PTX3: variants seen among roughly 807,000 people sequenced by gnomAD.
PTX3 encodes pentraxin-related protein PTX3.
In PTX3, 24 loss-of-function variants were observed where a neutral mutation model predicts 23.5. The observed-to-expected ratio is 1.02, with a 90% confidence interval of 0.74 to 1.43. The LOEUF (loss-of-function observed/expected upper bound fraction) is 1.43, where lower values mean the gene tolerates loss of function less well. Among genes scored for constraint, PTX3 ranks in the 40% most tolerant of loss-of-function variants. PTX3 has a pLI of 0.00. For synonymous variants in PTX3, 218 were observed against 205.4 expected, an observed-to-expected ratio of 1.06 and a Z score of -0.53; for missense variants, 510 against 497.5, an observed-to-expected ratio of 1.02 and a Z score of -0.24.
At chr3:157,439,592 T>C (rs796406516) in intron 2 of PTX3, among the ~76,000 whole-genome samples, 48 of 152,252 alleles carry the variant, frequency 3.2e-4, no homozygotes, top group African/African-American at 1.2e-3. Flanking sequence ...CAACATGCGG[T>C]TCCAGTCCAT....
intron 2 of PTX3, among the ~76,000 whole-genome samples, chr3:157,441,725 G>T: frequency 6.6e-6 from 1 of 151,686 alleles, no homozygotes; most frequent in East Asian, 1.9e-4. Context: ...CAGGAGAATC[G>T]CTTGAACCTG....
chr3:157,441,918 C>T (rs1325383034), intron 2 of PTX3, among the ~76,000 whole-genome samples: 7 of 151,926 alleles, frequency 4.6e-5, no homozygotes, highest in Non-Finnish European at 8.8e-5. Context: ...CTGAATTTCA[C>T]AGGTTTATTA....
rs1387434427 is a variant in PTX3 at position 157,442,422 on chromosome 3, C to T, written c.589C>T (p.His197Tyr). The T allele has an allele frequency of 6.2e-7, 1 of 1,614,070 alleles. No individual in the cohort carries two copies. Among genetic ancestry groups the T allele is most frequent in the South Asian group, 1.1e-5 (1 of 91,082 alleles). The change falls in exon 3 of 3, where the codon CAT (histidine) becomes TAT (tyrosine). Residue 197 changes from histidine to tyrosine, a missense_variant. Coordinates refer to ENST00000295927, the MANE Select transcript of PTX3 (RefSeq NM_002852.4). ...TTCCAAGAAGATTTTTGGAAGCGTG[C>T]ATCCAGTGAGACCAATGAGGCTTGA... ...MRSKKIFGSV[H>Y]PVRPMRLESF... is the part of the protein sequence containing the mutation.
intron 2 of PTX3, among the ~76,000 whole-genome samples, chr3:157,439,603 G>C (rs1733954033): frequency 6.6e-6 from 1 of 152,156 alleles, no homozygotes. Flanking sequence ...TCCAGTCCAT[G>C]AACTTATATA....
At chr3:157,441,896 G>A (rs1393530345) in intron 2 of PTX3, among the ~76,000 whole-genome samples, 1 of 152,070 alleles carries the variant, frequency 6.6e-6, no homozygotes, top group Non-Finnish European at 1.5e-5. Context: ...TAAATGGAGC[G>A]AACTAGGTCT....
At chr3:157,438,071 A>ACACACC (rs1478919297) in intron 2 of PTX3, among the ~76,000 whole-genome samples, 157 bp downstream of exon 2, 4 of 146,404 alleles carry the variant, frequency 2.7e-5, no homozygotes, top group East Asian at 2.0e-4. Context: ...ACACACACAC[A>ACACACC]CCCCTATTTC....
At position 157,437,535 on chromosome 3, in the gene PTX3, G is replaced by A; in HGVS notation, c.153G>A (p.Gln51=). 1 of 1,606,052 alleles carries A rather than the reference G, an allele frequency of 6.2e-7. No individual in the cohort carries two copies. ...TAGCCACGCCGTGCGCCTGCGGTCAGGAGCACTCGGAATGGGACAAGCTCT... is the reference window on the plus strand; with the variant it reads ...TAGCCACGCCGTGCGCCTGCGGTCAAGAGCACTCGGAATGGGACAAGCTCT... ...TEDPTPCACG[Q]EHSEWDKLFI... Residue 51 remains glutamine (Q), a synonymous_variant, in exon 2 of 3, where the codon CAG becomes CAA. Transcript: ENST00000295927.
chr3:157,443,350 A>C lies in PTX3; in HGVS notation c.*371A>C. ...ATGAATTTTACATTGGAAGAATAAC[A>C]AAATAAGATTTGTTGTCCATTGTTC... On this transcript the variant is annotated 3_prime_UTR_variant, in exon 3 of 3. Coordinates refer to ENST00000295927, the MANE Select transcript of PTX3 (RefSeq NM_002852.4). 5.4e-6 allele frequency: 1 copy of C among 183,898 alleles called. No individual in the cohort carries two copies. Among genetic ancestry groups the C allele is most frequent in the Non-Finnish European group, 1.2e-5 (1 of 86,702 alleles). 11.4% of individuals were successfully genotyped at this position (183,898 alleles called of 1,614,324 possible).
chr3:157,442,631 G>GT lies in PTX3; in HGVS notation c.799dup (p.Trp267LeufsTer22). ...CTGAAGCCATGGTTTCCCTGGGAAG[G>GT]TGGACCCACCTGTGCGGCACCTGGA... On this transcript the variant is annotated frameshift_variant, in exon 3 of 3. Transcript: ENST00000295927. LOFTEE classifies it high-confidence loss of function. The GT allele has an allele frequency of 6.2e-7, 1 of 1,614,236 alleles. No homozygotes were observed. The highest frequency in any genetic ancestry group is 8.5e-7 in the Non-Finnish European group (1 of 1,180,048).
At position 157,441,637 on chromosome 3, in the gene PTX3, G is replaced by A. The variant is rs536444946; in HGVS notation, c.533-729G>A. 1.1e-3 allele frequency among the ~76,000 whole-genome samples: 163 copies of A among 151,818 alleles called. 2 individuals are homozygous for A. The South Asian group carries it at 0.032, about 30-fold the overall frequency. ...AACCTGGCCAACATGGTGAAACCCC[G>A]TGTCTAAAAAAAAAATACAATAGTT... On this transcript the variant is annotated intron_variant, in intron 2 of 2. Transcript: ENST00000295927.
Position 157,442,887 on chromosome 3 carries a change from G to C in PTX3, c.1054G>C (p.Gly352Arg), listed in dbSNP as rs774290655. The change falls in exon 3 of 3, where the codon GGA (glycine) becomes CGA (arginine). Residue 352 changes from glycine to arginine, a missense_variant. Transcript: ENST00000295927. ...TAGCAATGAAGAGATAAGAGAGACCGGAGGAGCAGAGTCTTGTCACATCCG... is the reference window on the plus strand; with the variant it reads ...TAGCAATGAAGAGATAAGAGAGACCCGAGGAGCAGAGTCTTGTCACATCCG... Reference protein sequence around the residue: ...VLSNEEIRETGGAESCHIRGN... With the variant: ...VLSNEEIRETRGAESCHIRGN... 6.2e-7 allele frequency: 1 copy of C among 1,614,190 alleles called. No homozygotes were observed. The highest frequency in any genetic ancestry group is 2.2e-5 in the East Asian group (1 of 44,890).
chr3:157,438,029 G>A (rs1235107880), intron 2 of PTX3, 115 bp downstream of exon 2: 2 of 844,946 alleles, frequency 2.4e-6, no homozygotes, highest in Non-Finnish European at 3.5e-6. Context: ...AAGCGCGCGC[G>A]CGCGCGCGCA....
At position 157,437,616 on chromosome 3, in the gene PTX3, C is replaced by T. The variant is rs1369020338; in HGVS notation, c.234C>T (p.Asp78=). ...AGCGCATGCTGCTGCAAGCCACGGA[C>T]GACGTCCTGCGGGGCGAGCTGCAGA... The part of the protein sequence containing the change: ...MRERMLLQAT[D]DVLRGELQRL... Residue 78 remains aspartate, a synonymous_variant, in exon 2 of 3, where the codon GAC becomes GAT. Transcript: ENST00000295927. The T allele has an allele frequency of 1.3e-6, 2 of 1,562,954 alleles. No homozygotes were observed. Among genetic ancestry groups the T allele is most frequent in the Non-Finnish European group, 1.7e-6 (2 of 1,156,378 alleles).
chr3:157,442,299 A>G, intron 2 of PTX3, 67 bp from the exon 3 acceptor site: 1 of 1,334,172 alleles, frequency 7.5e-7, no homozygotes, highest in South Asian at 1.5e-5. Context: ...TAAATAACTA[A>G]TGCCAGAATA....
At position 157,443,338 on chromosome 3, in the gene PTX3, T is replaced by G. The variant is rs969137724; in HGVS notation, c.*359T>G. ...TTTTGGCCAGAGATGAATTTTACAT[T>G]GGAAGAATAACAAAATAAGATTTGT... is the stretch of plus-strand genomic sequence containing the variant. On this transcript the variant is annotated 3_prime_UTR_variant, in exon 3 of 3. Transcript: ENST00000295927. 21 of 190,566 alleles carry G rather than the reference T, an allele frequency of 1.1e-4. No homozygotes were observed. The highest frequency in any genetic ancestry group is 9.0e-4 in the Admixed American group (17 of 18,982). The allele number at this position is 190,566 out of a possible 1,614,324, so 11.8% of individuals were successfully genotyped here. A position where few individuals can be genotyped will look rare whatever the true frequency, so the allele number is the denominator to read the frequency against.
rs879192748 is a variant in PTX3, at chr3:157,442,582, G to A, written c.749G>A (p.Gly250Asp). 2 of 1,614,110 alleles carry A rather than the reference G, an allele frequency of 1.2e-6. No individual in the cohort carries two copies. The highest frequency in any genetic ancestry group is 1.7e-5 in the Admixed American group (1 of 60,014). The change falls in exon 3 of 3, where the codon GGT (glycine) becomes GAT (aspartate). Residue 250 changes from glycine to aspartate, a missense_variant. Transcript: ENST00000295927. Reference sequence around the variant, plus strand: ...TACCAATCCATAGTGTTTGTGGTGGGTGGAGAGGAGAACAAACTGGTTGCT... The same window carrying A: ...TACCAATCCATAGTGTTTGTGGTGGATGGAGAGGAGAACAAACTGGTTGCT... ...LSYQSIVFVVGGEENKLVAEA... is the reference protein window; with the variant it reads ...LSYQSIVFVVDGEENKLVAEA...
At chr3:157,439,340 C>T (rs1389654815) in intron 2 of PTX3, among the ~76,000 whole-genome samples, 2 of 152,168 alleles carry the variant, frequency 1.3e-5, no homozygotes, top group Non-Finnish European at 2.9e-5. Context: ...TTATTACATC[C>T]AATAATACTT....
chr3:157,437,076 T>C lies in PTX3; in HGVS notation c.130+13T>C. On this transcript the variant is annotated intron_variant, in intron 1 of 2. Coordinates refer to ENST00000295927, the MANE Select transcript of PTX3 (RefSeq NM_002852.4). ...CCCACTGAGGACCGTAAGTTCACTT[T>C]AACTGTTTCTCTGCTAACCCTGACT... 6.2e-7 allele frequency: 1 copy of C among 1,612,984 alleles called. No homozygotes were observed. The highest frequency in any genetic ancestry group is 2.2e-5 in the East Asian group (1 of 44,874).
intron 1 of PTX3, 130 bp from the exon 2 acceptor site, chr3:157,437,383 T>C (rs1733684847): frequency 3.6e-6 from 4 of 1,105,236 alleles, no homozygotes; most frequent in African/African-American, 3.2e-5. Context: ...TTTTCGGAGG[T>C]GTCCTTAAAG....
Sources: gnomAD v4.1 joint callset for allele counts (sites outside exome capture counted in the v4.1 genomes callset) on GRCh38, gnomAD v4.1.1 for gene constraint, MANE v1.5 for transcripts, NCBI Gene and HGNC (gene_info 2026-07-23, HGNC 2026-07-21) for gene names.